COL6A1: variants seen among roughly 807,000 people sequenced by gnomAD.
COL6A1 encodes collagen alpha-1(VI) chain.
COL6A1 carries 80 observed loss-of-function variants against 145.6 expected under a neutral mutation model. That is an observed-to-expected ratio of 0.55 (90% confidence interval 0.46 to 0.66). COL6A1 has a LOEUF of 0.66. Ranked by LOEUF, COL6A1 falls within the 30% of genes least tolerant of loss-of-function variation. COL6A1 has a pLI of 0.00. For missense variants in COL6A1, 1,364 were observed against 1,473.8 expected (o/e 0.93, Z 1.22); for synonymous variants, 638 against 622.8 (o/e 1.02, Z -0.36).
chr21:45,987,396 C>T (rs1292020357), intron 6 of COL6A1, 103 bp from the exon 7 acceptor site: 22 of 1,548,482 alleles, frequency 1.4e-5, no homozygotes, highest in Admixed American at 8.3e-5. Flanking sequence ...TGCGTCCATC[C>T]GTGTGTCCGT....
chr21:45,999,259 C>T, intron 26 of COL6A1, 41 bp downstream of exon 26: 5 of 1,536,148 alleles, frequency 3.3e-6, no homozygotes, highest in Non-Finnish European at 4.4e-6. Flanking sequence ...TGGGCTGTGC[C>T]TGGGACGCCG....
At position 46,002,085 on chromosome 21, in the gene COL6A1, C is replaced by A. The variant is rs201407082; in HGVS notation, c.2066+15C>A. 8.1e-6 allele frequency: 13 copies of A among 1,603,848 alleles called. No homozygotes were observed. The South Asian group carries it at 1.2e-4, about 15-fold the overall frequency. ...GAGCTCAAGGAGTGAGTGCCCCACG[C>A]GGCCAGGACCCTCCCACCCCTCGCC... On this transcript the variant is annotated intron_variant, in intron 31 of 34. Coordinates refer to ENST00000361866, the MANE Select transcript of COL6A1 (RefSeq NM_001848.3).
At chr21:46,001,152 G>A in intron 29 of COL6A1, 101 bp from the exon 30 acceptor site, 2 of 1,502,648 alleles carry the variant, frequency 1.3e-6, no homozygotes, top group East Asian at 4.6e-5. Flanking sequence ...AACGTGTCAG[G>A]TGAGGATGTG....
In COL6A1 at chr21:46,000,746, C is replaced by G; in HGVS notation, c.1814-13C>G. The G allele has an allele frequency of 1.2e-6, 2 of 1,613,950 alleles. No individual in the cohort carries two copies. The highest frequency in any genetic ancestry group is 1.7e-6 in the Non-Finnish European group (2 of 1,179,906). On this transcript the variant is annotated splice_polypyrimidine_tract_variant and intron_variant, in intron 28 of 34. Transcript: ENST00000361866. ...CCCTGACTGGTCTAACTGACTCTTT[C>G]TCTTCTCCTCAGCTTGCTGTGGTGA...
At chr21:45,985,886 A>C (rs909995660) in intron 3 of COL6A1, among the ~76,000 whole-genome samples, 4 of 152,118 alleles carry the variant, frequency 2.6e-5, no homozygotes, top group African/African-American at 9.7e-5. Flanking sequence ...CGCTGTCTGC[A>C]GGGGGTGCAT....
Position 45,997,481 on chromosome 21 carries a change from G to C in COL6A1, c.1459G>C (p.Glu487Gln). Residue 487 changes from glutamate (E) to glutamine (Q), a missense_variant and splice_region_variant, in exon 21 of 35, where the codon GAG becomes CAG. Glu to Gln is a conservative substitution (Grantham distance 29, BLOSUM62 2). Around this residue, in one of 3 missense-constraint regions of COL6A1, gnomAD observed 938 missense variants for 1,003.8 expected, o/e 0.93. Transcript: ENST00000361866. ...AGGCGATGAGGGTCCCCCAGGGTCC[G>C]AGGTGAGTCCCACTCCCCACCCACA... ...YRGDEGPPGS[E>Q]GARGAPGPAG... The C allele has an allele frequency of 6.2e-7, 1 of 1,609,616 alleles. No homozygotes were observed. Among genetic ancestry groups the C allele is most frequent in the Non-Finnish European group, 8.5e-7 (1 of 1,179,062 alleles).
At chr21:45,988,851 T>C (rs1464433477) in intron 8 of COL6A1, among the ~76,000 whole-genome samples, 1 of 152,084 alleles carries the variant, frequency 6.6e-6, no homozygotes, top group Non-Finnish European at 1.5e-5. Flanking sequence ...CCCTCCCACC[T>C]GTGCCTGGGG....
Position 46,003,821 on chromosome 21 carries a change from A to G in COL6A1, c.2895A>G (p.Ala965=), listed in dbSNP as rs1182648100. Residue 965 remains alanine (A), a synonymous_variant, in exon 35 of 35, where the codon GCA becomes GCG. Coordinates refer to ENST00000361866, the MANE Select transcript of COL6A1 (RefSeq NM_001848.3). The stretch of plus-strand genomic sequence containing the variant: ...AGGCCGTGCAGGAAGCCCAGCGGGC[A>G]GGCATCGAGATCTTCGTGGTGGTCG... The part of the protein sequence containing the change: ...IEKAVQEAQR[A]GIEIFVVVVG... 1.2e-6 allele frequency: 2 copies of G among 1,605,080 alleles called. No individual in the cohort carries two copies. Among genetic ancestry groups the G allele is most frequent in the African/African-American group, 2.7e-5 (2 of 74,708 alleles).
rs747459532 is a variant in COL6A1, at chr21:45,990,807, A to G, written c.1037A>G (p.Lys346Arg). ...GGGTACCCAGGCCTGCCAGGCTGCA[A>G]GGGCTCGCCCGGGTTTGACGTAAGT... is the stretch of plus-strand genomic sequence containing the variant. ...EMGYPGLPGCKGSPGFDGIQG... is the reference protein window; with the variant it reads ...EMGYPGLPGCRGSPGFDGIQG... Residue 346 changes from lysine (K) to arginine (R), a missense_variant, in exon 14 of 35, where the codon AAG becomes AGG. Physicochemically the swap from Lys to Arg is conservative, Grantham distance 26. Coordinates refer to ENST00000361866, the MANE Select transcript of COL6A1 (RefSeq NM_001848.3). 1 of 1,613,366 alleles carries G rather than the reference A, an allele frequency of 6.2e-7. No homozygotes were observed. Among genetic ancestry groups the G allele is most frequent in the Admixed American group, 1.7e-5 (1 of 60,010 alleles).
At chr21:45,985,273 CAGAG>C (rs781720321) in intron 3 of COL6A1, among the ~76,000 whole-genome samples, 1 of 148,820 alleles carries the variant, frequency 6.7e-6, no homozygotes, top group Non-Finnish European at 1.5e-5. Context: ...GAGATAGAGA[CAGAG>C]GGACAGAGAC....
intron 15 of COL6A1, among the ~76,000 whole-genome samples, chr21:45,991,761 G>A (rs967309198): frequency 4.6e-5 from 7 of 152,196 alleles, no homozygotes; most frequent in African/African-American, 1.7e-4. Context: ...TCTCTAATGG[G>A]AACCAAATCC....
intron 22 of COL6A1, 111 bp from the exon 23 acceptor site, chr21:45,998,010 T>C (rs1603592997): frequency 1.4e-6 from 2 of 1,401,352 alleles, no homozygotes; most frequent in Non-Finnish European, 2.0e-6. Context: ...GGGAGCCGGC[T>C]TCTGGGCTGA....
chr21:45,981,997 C>G (rs551170144), intron 1 of COL6A1, 50 bp downstream of exon 1: 5 of 1,446,296 alleles, frequency 3.5e-6, no homozygotes, highest in Non-Finnish European at 4.8e-6. Flanking sequence ...TCTTTGCTGC[C>G]GGCCAGGGCC....
Position 45,997,744 on chromosome 21 carries a change from G to C in COL6A1, c.1506G>C (p.Pro502=), listed in dbSNP as rs139987124. 2,915 of 1,594,036 alleles carry C rather than the reference G, an allele frequency of 1.8e-3. 42 individuals are homozygous for C. The African/African-American group carries it at 0.034, about 18-fold the overall frequency. Residue 502 remains proline, a synonymous_variant, in exon 22 of 35, where the codon CCG becomes CCC. Transcript: ENST00000361866. ...GACCTGCCGGACCCCCTGGAGACCCGGGGCTGATGGGTGAAAGGGTGAGTG... is the reference window on the plus strand; with the variant it reads ...GACCTGCCGGACCCCCTGGAGACCCCGGGCTGATGGGTGAAAGGGTGAGTG... ...APGPAGPPGD[P]GLMGERGEDG... is the part of the protein sequence containing the mutation.
At chr21:45,988,658 C>T (rs1211771847) in intron 8 of COL6A1, among the ~76,000 whole-genome samples, 1 of 152,144 alleles carries the variant, frequency 6.6e-6, no homozygotes, top group East Asian at 1.9e-4. Context: ...GTGTGGCTCA[C>T]ATAGGATGAC....
intron 20 of COL6A1, among the ~76,000 whole-genome samples, chr21:45,996,952 C>T (rs1407905806): frequency 6.6e-6 from 1 of 152,150 alleles, no homozygotes; most frequent in African/African-American, 2.4e-5. Context: ...GGGGACCAGG[C>T]CAGGCCCAAA....
chr21:45,983,953 G>A (rs2077722976), intron 2 of COL6A1, among the ~76,000 whole-genome samples: 1 of 152,180 alleles, frequency 6.6e-6, no homozygotes, highest in South Asian at 2.1e-4. Context: ...GGGCTGCTCA[G>A]ATCCCCGGGG....
rs1402719766 is a variant in COL6A1, at chr21:46,002,332, C to T, written c.2181C>T (p.Ile727=). 8 of 1,591,398 alleles carry T rather than the reference C, an allele frequency of 5.0e-6. No homozygotes were observed. Among genetic ancestry groups the T allele is most frequent in the Non-Finnish European group, 6.8e-6 (8 of 1,170,136 alleles). The change falls in exon 32 of 35, where the codon ATC becomes ATT. Residue 727 remains isoleucine (I), a synonymous_variant. Coordinates refer to ENST00000361866, the MANE Select transcript of COL6A1 (RefSeq NM_001848.3). The part of the protein sequence containing the change: ...PSPNNRIALV[I]TDGRSDTQRD... ...CGAACAACCGCATCGCCCTGGTCAT[C>T]ACTGACGGGCGCTCAGACACTCAGA...
rs2077724479 is a variant in COL6A1 at position 45,984,264 on chromosome 21, G to A, written c.228-5G>A. On this transcript the variant is annotated splice_region_variant and splice_polypyrimidine_tract_variant and intron_variant, in intron 2 of 34. Coordinates refer to ENST00000361866, the MANE Select transcript of COL6A1 (RefSeq NM_001848.3). The stretch of plus-strand genomic sequence containing the variant: ...CCTCACGCCCGCCGTGCCTGTTCCT[G>A]GCAGGTACTACCGCTGTGACCGAAA... 2 of 1,603,752 alleles carry A rather than the reference G, an allele frequency of 1.2e-6. No individual in the cohort carries two copies. The highest frequency in any genetic ancestry group is 1.3e-5 in the African/African-American group (1 of 74,720).
Sources: gnomAD v4.1 joint callset for allele counts (sites outside exome capture counted in the v4.1 genomes callset) on GRCh38, gnomAD v4.1.1 for gene constraint, gnomAD v4.1.1 regional missense constraint, MANE v1.5 for transcripts, NCBI Gene and HGNC (gene_info 2026-07-23, HGNC 2026-07-21) for gene names.